Variants in POLE4 observed in about 807,000 individuals in gnomAD.
POLE4 encodes DNA polymerase epsilon subunit 4.
In POLE4, 15 loss-of-function variants were observed where a neutral mutation model predicts 15.6. The ratio of observed to expected loss-of-function variants is 0.96; its 90% CI spans 0.64 to 1.48. The LOEUF (loss-of-function observed/expected upper bound fraction) is 1.48. Among genes scored for constraint, POLE4 ranks in the 40% most tolerant of loss-of-function variants. The probability of loss-of-function intolerance (pLI) is 0.00; values close to 1 mark genes in which losing one functional copy is unlikely to be tolerated. For missense variants in POLE4, 205 were observed against 151.9 expected, an observed-to-expected ratio of 1.35 and a Z score of -1.84; for synonymous variants, 83 against 63.2, an observed-to-expected ratio of 1.31 and a Z score of -1.49.
intron 3 of POLE4, among the ~76,000 whole-genome samples, chr2:74,962,628 G>T (rs1197141545): frequency 6.6e-6 from 1 of 152,128 alleles, no homozygotes; most frequent in Non-Finnish European, 1.5e-5. Flanking sequence ...TACAACGTAT[G>T]TAAAGTGTGT....
In POLE4 at chr2:74,959,427, T is replaced by A. The variant is rs1365943000; in HGVS notation, c.298+2T>A. On this transcript the variant is annotated splice_donor_variant, in intron 2 of 3. Transcript: ENST00000483063. LOFTEE classifies it high-confidence loss of function. ...AAACCCTTCAGAGGAGAGACTTGGG[T>A]AGAGTGGCACTGCAGTGTCTGGGGA... The A allele has an allele frequency of 6.3e-7, 1 of 1,598,528 alleles. No individual in the cohort carries two copies. Among genetic ancestry groups the A allele is most frequent in the Non-Finnish European group, 8.6e-7 (1 of 1,166,212 alleles).
In POLE4 at chr2:74,969,679, A is replaced by G. The variant is rs954401057; in HGVS notation, c.*257A>G. The stretch of plus-strand genomic sequence containing the variant: ...AGCAGAGATGAAGAAAGTGTTCTGC[A>G]TAAGTGGCTTCCTGAATGATGAGGA... On this transcript the variant is annotated 3_prime_UTR_variant, in exon 4 of 4. Transcript: ENST00000483063. The G allele has an allele frequency of 8.3e-5, 44 of 533,094 alleles. No homozygotes were observed. The highest frequency in any genetic ancestry group is 4.9e-4 in the Admixed American group (16 of 32,464). The allele number at this position is 533,094 out of a possible 1,614,324, so 33.0% of individuals were successfully genotyped here. A position where few individuals can be genotyped will look rare whatever the true frequency, so the allele number is the denominator to read the frequency against.
At chr2:74,959,818 A>G in intron 2 of POLE4, 1 of 469,496 alleles carries the variant, frequency 2.1e-6, no homozygotes, top group African/African-American at 2.0e-5. Context: ...CTTCTCTGAC[A>G]ACTTTAAGAG....
chr2:74,969,094 A>G (rs1375269219), intron 3 of POLE4, among the ~76,000 whole-genome samples: 1 of 152,130 alleles, frequency 6.6e-6, no homozygotes, highest in African/African-American at 2.4e-5. Flanking sequence ...TAGAGAGTTT[A>G]CCTCATTTAT....
Position 74,958,891 on chromosome 2 carries a change from C to T in POLE4, c.212C>T (p.Ala71Val), listed in dbSNP as rs1160381659. The T allele has an allele frequency of 1.8e-5, 28 of 1,549,722 alleles. No homozygotes were observed. Among genetic ancestry groups the T allele is most frequent in the Non-Finnish European group, 2.4e-5 (27 of 1,146,090 alleles). Residue 71 changes from alanine (A) to valine (V), a missense_variant and splice_region_variant, in exon 1 of 4, where the codon GCG (alanine) becomes GTG (valine). By Grantham distance (64) the Ala-to-Val change is moderately conservative. Transcript: ENST00000483063. ...GCCATCTTCATTCTGGCACGAGCCG[C>T]GGTGCGCCTGCAGCGCGAGGGCATG... is the stretch of plus-strand genomic sequence containing the variant. Reference protein sequence around the residue: ...QEAIFILARAAELFVETIAKD... With the variant: ...QEAIFILARAVELFVETIAKD...
intron 3 of POLE4, among the ~76,000 whole-genome samples, 180 bp from the exon 4 acceptor site, chr2:74,969,229 A>C (rs1444911312): frequency 2.6e-5 from 4 of 152,160 alleles, no homozygotes; most frequent in African/African-American, 9.7e-5. Flanking sequence ...ACTGCCCACC[A>C]TCTGTAATGA....
chr2:74,968,838 C>T (rs1275895116), intron 3 of POLE4, among the ~76,000 whole-genome samples: 2 of 151,792 alleles, frequency 1.3e-5, no homozygotes, highest in Non-Finnish European at 1.5e-5. Context: ...TGCTGCAGCC[C>T]CCTCTGTTCA....
In POLE4 at chr2:74,959,341, G is replaced by A; in HGVS notation, c.214G>A (p.Glu72Lys). ...AAAACTTTGCTTTTTTACTTCACAG[G>A]AACTGTTTGTGGAGACCATTGCAAA... is the stretch of plus-strand genomic sequence containing the variant. ...EAIFILARAA[E>K]LFVETIAKDA... The change falls in exon 2 of 4, where the codon GAA (glutamate) becomes AAA (lysine). Residue 72 changes from glutamate to lysine, a missense_variant and splice_region_variant. Coordinates refer to ENST00000483063, the MANE Select transcript of POLE4 (RefSeq NM_019896.4). 1.2e-6 allele frequency: 2 copies of A among 1,611,456 alleles called. No individual in the cohort carries two copies. The highest frequency in any genetic ancestry group is 1.7e-6 in the Non-Finnish European group (2 of 1,177,822).
intron 3 of POLE4, among the ~76,000 whole-genome samples, chr2:74,965,515 T>G (rs1384734985): frequency 6.6e-6 from 1 of 152,206 alleles, no homozygotes; most frequent in African/African-American, 2.4e-5. Context: ...CCAAATTTGG[T>G]TATTGTATAA....
chr2:74,963,071 A>G (rs1446433813), intron 3 of POLE4, among the ~76,000 whole-genome samples: 3 of 152,212 alleles, frequency 2.0e-5, no homozygotes, highest in Non-Finnish European at 2.9e-5. Context: ...TATTTCTCCT[A>G]TTATAAACAA....
intron 3 of POLE4, among the ~76,000 whole-genome samples, chr2:74,966,059 TC>T (rs1053050122): frequency 6.6e-6 from 1 of 151,726 alleles, no homozygotes; most frequent in African/African-American, 2.4e-5. Flanking sequence ...GTTTTTTTTT[TC>T]TCTCAATTTT....
chr2:74,965,090 A>ATTTTTTTTTTTTT (rs35849174), intron 3 of POLE4, among the ~76,000 whole-genome samples: 1 of 124,940 alleles, frequency 8.0e-6, no homozygotes. Context: ...CTTTTTATCT[A>ATTTTTTTTTTTTT]TTTTTTTTTT....
At chr2:74,959,075 T>C in intron 1 of POLE4, 183 bp downstream of exon 1, 3 of 624,748 alleles carry the variant, frequency 4.8e-6, no homozygotes, top group Non-Finnish European at 8.4e-6. Flanking sequence ...TCCTCCCTCT[T>C]GTTGAGGACC....
At chr2:74,963,196 C>A (rs754339909) in intron 3 of POLE4, among the ~76,000 whole-genome samples, 10 of 152,220 alleles carry the variant, frequency 6.6e-5, no homozygotes, top group Non-Finnish European at 1.2e-4. Flanking sequence ...CCATCTTTGG[C>A]AGGTACTGCT....
chr2:74,969,525 C>G lies in POLE4; in HGVS notation c.*103C>G, dbSNP rs1281625691. 2 of 1,016,662 alleles carry G rather than the reference C, an allele frequency of 2.0e-6. No homozygotes were observed. Among genetic ancestry groups the G allele is most frequent in the Admixed American group, 1.7e-5 (1 of 59,208 alleles). The allele number at this position is 1,016,662 out of a possible 1,614,324, so 63.0% of individuals were successfully genotyped here. On this transcript the variant is annotated 3_prime_UTR_variant, in exon 4 of 4. Coordinates refer to ENST00000483063, the MANE Select transcript of POLE4 (RefSeq NM_019896.4). ...AACGGAGTCTTTGCACTTACACACA[C>G]TCTTCCTGTTCTGCCTTCACCTATG...
intron 3 of POLE4, among the ~76,000 whole-genome samples, chr2:74,966,917 CTT>C (rs145157175): frequency 1.4e-5 from 2 of 145,870 alleles, no homozygotes; most frequent in African/African-American, 2.5e-5. Context: ...CATTTTACTG[CTT>C]TTTTTTTTGG....
At chr2:74,959,843 A>T in intron 2 of POLE4, 1 of 488,284 alleles carries the variant, frequency 2.0e-6, no homozygotes, top group Non-Finnish European at 3.6e-6. Flanking sequence ...GCGAATAAAT[A>T]ATTTAGGGGT....
intron 3 of POLE4, among the ~76,000 whole-genome samples, chr2:74,967,420 G>A (rs1040216453): frequency 6.7e-6 from 1 of 149,748 alleles, no homozygotes; most frequent in Non-Finnish European, 1.5e-5. Context: ...GCTTAATAAA[G>A]TATCAAGCAA....
chr2:74,958,713 C>G lies in POLE4; in HGVS notation c.34C>G (p.Pro12Ala). 6.7e-7 allele frequency: 1 copy of G among 1,491,992 alleles called. No homozygotes were observed. Among genetic ancestry groups the G allele is most frequent in the Non-Finnish European group, 8.9e-7 (1 of 1,124,606 alleles). The allele number at this position is 1,491,992 out of a possible 1,614,324, so 92.4% of individuals were successfully genotyped here. Reference sequence around the variant, plus strand: ...GGCGGCGGCGGCAGGAAGCGGGACGCCCCGAGAGGAGGAGGGACCTGCTGG... The same window carrying G: ...GGCGGCGGCGGCAGGAAGCGGGACGGCCCGAGAGGAGGAGGGACCTGCTGG... ...AAAAAAGSGTPREEEGPAGEA... is the reference protein window; with the variant it reads ...AAAAAAGSGTAREEEGPAGEA... The change falls in exon 1 of 4, where the codon CCC becomes GCC. Residue 12 changes from proline to alanine, a missense_variant. By Grantham distance (27) the Pro-to-Ala change is conservative (BLOSUM62 -1). Transcript: ENST00000483063.
Sources: gnomAD v4.1 joint callset for allele counts (sites outside exome capture counted in the v4.1 genomes callset) on GRCh38, gnomAD v4.1.1 for gene constraint, MANE v1.5 for transcripts, NCBI Gene and HGNC (gene_info 2026-07-23, HGNC 2026-07-21) for gene names.